Variants in DENND2D observed in about 807,000 individuals in gnomAD.
DENND2D encodes the protein DENN domain-containing protein 2D.
Under a neutral mutation model 59.8 loss-of-function variants are expected in DENND2D, and 37 were observed. The observed-to-expected ratio is 0.62, with a 90% CI of 0.48 to 0.81. DENND2D has a LOEUF of 0.81. DENND2D is among the 40% of genes least tolerant of loss of function. DENND2D has a pLI of 0.00. For missense variants in DENND2D, 525 were observed against 579.7 expected (o/e 0.91, Z 0.97); for synonymous variants, 219 against 211.3 (o/e 1.04, Z -0.31).
Position 111,189,234 on chromosome 1 carries a change from CA to C in DENND2D, c.991del (p.Cys331ValfsTer6). 6.2e-7 allele frequency: 1 copy of C among 1,614,186 alleles called. No homozygotes were observed. The highest frequency in any genetic ancestry group is 8.5e-7 in the Non-Finnish European group (1 of 1,180,024). Reference protein sequence around the residue: ...PMEEVLLVNLCEGTFLMSVGD... With the variant: ...PMEEVLLVNLXEGTFLMSVGD... ...TACCGACATTAAGAAGGTTCCTTCA[CA>C]AAGATTGACCAGCAGGACCTGAAAT... is the stretch of plus-strand genomic sequence containing the variant. On this transcript the variant is annotated frameshift_variant, in exon 9 of 12. Transcript: ENST00000357640. LOFTEE classifies it high-confidence loss of function.
In DENND2D at chr1:111,200,545, G is replaced by A. The variant is rs904767934; in HGVS notation, c.-86C>T. 2.3e-5 allele frequency: 35 copies of A among 1,533,712 alleles called. No individual in the cohort carries two copies. Among genetic ancestry groups the A allele is most frequent in the Middle Eastern group, 2.0e-4 (1 of 4,964 alleles). On this transcript the variant is annotated 5_prime_UTR_variant, in exon 1 of 12. Transcript: ENST00000357640. ...GTAAGCCTGAGAAAGGGGCTGCTTC[G>A]GTCTCCAGCCACAACTCTGTGAAGC... is the stretch of plus-strand genomic sequence containing the variant.
At chr1:111,194,349 G>A (rs574030620) in intron 7 of DENND2D, among the ~76,000 whole-genome samples, 1 of 152,338 alleles carries the variant, frequency 6.6e-6, no homozygotes, top group African/African-American at 2.4e-5. Context: ...CCTTCCCCAA[G>A]CTAAGTCAGG....
At position 111,188,745 on chromosome 1, in the gene DENND2D, A is replaced by C. The variant is rs756099278; in HGVS notation, c.1056T>G (p.Asp352Glu). The C allele has an allele frequency of 1.9e-6, 3 of 1,614,048 alleles. No homozygotes were observed. The highest frequency in any genetic ancestry group is 2.5e-6 in the Non-Finnish European group (3 of 1,180,026). ...CCTGACCAAGAGAGTCTAAGATGTC[A>C]TCCTGAAGCTTCGGTGGCAGGATGT... ...EKDILPPKLQ[D>E]DILDSLGQGI... The change falls in exon 10 of 12, where the codon GAT (aspartate) becomes GAG (glutamate). Residue 352 changes from aspartate (D) to glutamate (E), a missense_variant. By Grantham distance (45) the Asp-to-Glu change is conservative. Transcript: ENST00000357640.
intron 7 of DENND2D, among the ~76,000 whole-genome samples, chr1:111,193,381 C>G (rs867951984): frequency 2.0e-5 from 3 of 152,136 alleles, no homozygotes; most frequent in Non-Finnish European, 4.4e-5. Context: ...CCTCCACTTC[C>G]CAAACACTGA....
At chr1:111,204,491 T>G, upstream of DENND2D, 1 of 942,092 alleles carries the variant, frequency 1.1e-6, no homozygotes, top group East Asian at 3.3e-5. Context: ...GCGGCGCACC[T>G]TCCGGACTCC....
chr1:111,198,782 G>A (rs1274705754), intron 2 of DENND2D, 40 bp from the exon 3 acceptor site: 1 of 1,605,866 alleles, frequency 6.2e-7, no homozygotes, highest in Non-Finnish European at 8.5e-7. Flanking sequence ...GTGAAGCTGG[G>A]GGCAGAGATA....
intron 4 of DENND2D, chr1:111,197,462 A>C: frequency 7.0e-7 from 1 of 1,424,220 alleles, no homozygotes; most frequent in Non-Finnish European, 9.2e-7. Context: ...TGCCACCTTC[A>C]GTGCCAGCAC....
Position 111,188,752 on chromosome 1 carries a change from A to G in DENND2D, c.1049T>C (p.Leu350Pro). The change falls in exon 10 of 12, where the codon CTT becomes CCT. Residue 350 changes from leucine (L) to proline (P), a missense_variant. By Grantham distance (98) the Leu-to-Pro change is moderately conservative. Coordinates refer to ENST00000357640, the MANE Select transcript of DENND2D (RefSeq NM_024901.5). Reference sequence around the variant, plus strand: ...AAGAGAGTCTAAGATGTCATCCTGAAGCTTCGGTGGCAGGATGTCTTTTTC... The same window carrying G: ...AAGAGAGTCTAAGATGTCATCCTGAGGCTTCGGTGGCAGGATGTCTTTTTC... The part of the protein sequence containing the change: ...GDEKDILPPK[L>P]QDDILDSLGQ... 1 of 1,614,112 alleles carries G rather than the reference A, an allele frequency of 6.2e-7. No homozygotes were observed. Among genetic ancestry groups the G allele is most frequent in the Non-Finnish European group, 8.5e-7 (1 of 1,179,996 alleles).
rs1657294571 is a variant in DENND2D, at chr1:111,187,083, TTCCACTTGTAG to T, written c.*511_*521del. The T allele has an allele frequency of 6.5e-6, 1 of 154,128 alleles. No homozygotes were observed. Among genetic ancestry groups the T allele is most frequent in the Non-Finnish European group, 1.4e-5 (1 of 69,330 alleles). The allele number at this position is 154,128 out of a possible 1,614,324, so 9.5% of individuals were successfully genotyped here. On this transcript the variant is annotated 3_prime_UTR_variant, in exon 12 of 12. Transcript: ENST00000357640. Reference sequence around the variant, plus strand: ...CCAAACATATCCCCATGGCCAGGTCTTCCACTTGTAGTCCACTTGATTGTCATATTCATTGC... The same window carrying T: ...CCAAACATATCCCCATGGCCAGGTCTTCCACTTGATTGTCATATTCATTGC...
At position 111,188,739 on chromosome 1, in the gene DENND2D, G is replaced by A. The variant is rs750426112; in HGVS notation, c.1062C>T (p.Ile354=). ...TGATCCCCTGACCAAGAGAGTCTAA[G>A]ATGTCATCCTGAAGCTTCGGTGGCA... The part of the protein sequence containing the change: ...DILPPKLQDD[I]LDSLGQGINE... Residue 354 remains isoleucine, a synonymous_variant, in exon 10 of 12, where the codon ATC becomes ATT. Transcript: ENST00000357640. The A allele has an allele frequency of 6.2e-7, 1 of 1,614,138 alleles. No homozygotes were observed. Among genetic ancestry groups the A allele is most frequent in the Non-Finnish European group, 8.5e-7 (1 of 1,180,016 alleles).
In DENND2D at chr1:111,188,778, A is replaced by T; in HGVS notation, c.1023T>A (p.Asp341Glu). The T allele has an allele frequency of 6.2e-7, 1 of 1,614,038 alleles. No individual in the cohort carries two copies. Among genetic ancestry groups the T allele is most frequent in the Non-Finnish European group, 8.5e-7 (1 of 1,179,942 alleles). ...CEGTFLMSVGDEKDILPPKLQ... is the reference protein window; with the variant it reads ...CEGTFLMSVGEEKDILPPKLQ... ...GCTTCGGTGGCAGGATGTCTTTTTC[A>T]TCACCAACCTAGAAGAGGACAGAGC... is the stretch of plus-strand genomic sequence containing the variant. Residue 341 changes from aspartate (D) to glutamate (E), a missense_variant, in exon 10 of 12, where the codon GAT becomes GAA. This residue lies in a region of DENND2D where 225 missense variants were observed against 252.4 expected (regional missense o/e 0.89). Coordinates refer to ENST00000357640, the MANE Select transcript of DENND2D (RefSeq NM_024901.5).
Position 111,187,573 on chromosome 1 carries a change from G to A in DENND2D, c.*32C>T. The A allele has an allele frequency of 6.3e-7, 1 of 1,581,890 alleles. No homozygotes were observed. The highest frequency in any genetic ancestry group is 8.7e-7 in the Non-Finnish European group (1 of 1,151,138). Reference sequence around the variant, plus strand: ...AGGGGCTGAAGTCCAGAAATGGTGTGTAGCTCTAGTCATTCTTATTCACCA... The same window carrying A: ...AGGGGCTGAAGTCCAGAAATGGTGTATAGCTCTAGTCATTCTTATTCACCA... On this transcript the variant is annotated 3_prime_UTR_variant, in exon 12 of 12. Transcript: ENST00000357640.
chr1:111,198,404 G>A (rs1658458891), intron 3 of DENND2D, among the ~76,000 whole-genome samples: 1 of 152,204 alleles, frequency 6.6e-6, no homozygotes, highest in Admixed American at 6.5e-5. Context: ...TTGCTTCTAG[G>A]ACAGGTGGGA....
chr1:111,199,615 G>GT lies in DENND2D; in HGVS notation c.243+7dup, dbSNP rs529914314. 648 of 1,611,528 alleles carry GT rather than the reference G, an allele frequency of 4.0e-4. 1 individual carries two copies. The African/African-American group carries it at 6.9e-3, about 17-fold the overall frequency. On this transcript the variant is annotated splice_region_variant and intron_variant, in intron 2 of 11. Transcript: ENST00000357640. ...TCTGGCTGGCCCTGCCCCTCCTTCA[G>GT]TCCTTACCTTGGGAAATTGGTAGGT...
At chr1:111,187,754 A>T in intron 11 of DENND2D, 73 bp from the exon 12 acceptor site, 2 of 1,212,466 alleles carry the variant, frequency 1.6e-6, no homozygotes, top group South Asian at 2.5e-5. Context: ...AGGAATAAGG[A>T]TCAGAAATAT....
rs1186290192 is a variant in DENND2D, at chr1:111,192,449, G to T, written c.795-132C>A. 4 of 953,890 alleles carry T rather than the reference G, an allele frequency of 4.2e-6. No individual in the cohort carries two copies. In the African/African-American group the frequency reaches 6.6e-5, roughly 16 times the overall value. The allele number at this position is 953,890 out of a possible 1,614,324, so 59.1% of individuals were successfully genotyped here. A position where few individuals can be genotyped will look rare whatever the true frequency, so the allele number is the denominator to read the frequency against. On this transcript the variant is annotated intron_variant, in intron 7 of 11. Transcript: ENST00000357640. ...CATGGGCAGAAAGGCAAGTCTGGGG[G>T]CCATGCTGGTCACAGAGCTTGAACG... is the stretch of plus-strand genomic sequence containing the variant.
rs1028515559 is a variant in DENND2D at position 111,187,457 on chromosome 1, C to T, written c.*148G>A. 9 of 649,536 alleles carry T rather than the reference C, an allele frequency of 1.4e-5. No individual in the cohort carries two copies. Among genetic ancestry groups the T allele is most frequent in the Non-Finnish European group, 2.2e-5 (8 of 365,612 alleles). 40.2% of individuals were successfully genotyped at this position (649,536 alleles called of 1,614,324 possible). On this transcript the variant is annotated 3_prime_UTR_variant, in exon 12 of 12. Transcript: ENST00000357640. ...CAATACCAGGGATCCAAATCTCAGA[C>T]ACCAGTTTGAAGCAATACCTGGATA...
upstream of DENND2D, among the ~76,000 whole-genome samples, chr1:111,201,864 G>A (rs1386607786): frequency 6.6e-6 from 1 of 152,222 alleles, no homozygotes; most frequent in Non-Finnish European, 1.5e-5. Flanking sequence ...TTCAAATGCT[G>A]TAATGGGTGA....
At chr1:111,197,514 G>A in intron 4 of DENND2D, 1 of 1,397,962 alleles carries the variant, frequency 7.2e-7, no homozygotes, top group Non-Finnish European at 9.3e-7. Flanking sequence ...GTGCCTTAGA[G>A]ATGAAGAAAT....
Sources: allele counts gnomAD v4.1 joint callset (sites outside exome capture counted in the v4.1 genomes callset), GRCh38; gene constraint gnomAD v4.1.1; regional missense constraint gnomAD v4.1.1; transcripts MANE v1.5; gene names NCBI Gene and HGNC (gene_info 2026-07-23, HGNC 2026-07-21).